The following SPATA6L variants were observed in gnomAD, a reference collection of about 807,000 sequenced individuals.
SPATA6L encodes spermatogenesis associated 6-like protein.
Under a neutral mutation model 49.2 loss-of-function variants are expected in SPATA6L, and 68 were observed. The observed-to-expected ratio is 1.38, with a 90% CI of 1.14 to 1.69. The LOEUF (loss-of-function observed/expected upper bound fraction) is 1.69, where lower values mean the gene tolerates loss of function less well. Among genes scored for constraint, SPATA6L ranks in the 40% most tolerant of loss-of-function variants. SPATA6L has a pLI of 0.00. For missense variants in SPATA6L, 668 were observed against 464.3 expected, an observed-to-expected ratio of 1.44 and a Z score of -4.03; for synonymous variants, 198 against 165.7, an observed-to-expected ratio of 1.19 and a Z score of -1.50.
chr9:4,603,825 T>G (rs1475287109), intron 11 of SPATA6L, among the ~76,000 whole-genome samples: 2 of 151,982 alleles, frequency 1.3e-5, no homozygotes, highest in Non-Finnish European at 2.9e-5. Flanking sequence ...ATAGAAGTTA[T>G]CCAGGCAGAG....
chr9:4,607,457 C>T (rs919667402), intron 9 of SPATA6L, among the ~76,000 whole-genome samples: 1 of 152,090 alleles, frequency 6.6e-6, no homozygotes, highest in Non-Finnish European at 1.5e-5. Flanking sequence ...TGGCAGAAAC[C>T]CTACAAGCCA....
At chr9:4,628,632 A>T (rs1830806283) in intron 5 of SPATA6L, 1 of 155,662 alleles carries the variant, frequency 6.4e-6, no homozygotes, top group Non-Finnish European at 1.4e-5. Context: ...TTTTTGGTAG[A>T]GGTGGGGTTT....
Position 4,662,276 on chromosome 9 carries a change from C to G in SPATA6L, c.40-240G>C, listed in dbSNP as rs886502965. ...ATCGCGCTCTCGCCGGCTCCTCTCCCCGCCCCTCCGGGATGGTAGTGCGGA... is the reference window on the plus strand; with the variant it reads ...ATCGCGCTCTCGCCGGCTCCTCTCCGCGCCCCTCCGGGATGGTAGTGCGGA... On this transcript the variant is annotated intron_variant, in intron 1 of 11. Transcript: ENST00000682582. This position sits in a 1 kb window ranked among gnomAD's most constrained non-coding sequence, Gnocchi z 4.9. 7.0e-7 allele frequency: 1 copy of G among 1,434,782 alleles called. No individual in the cohort carries two copies. The highest frequency in any genetic ancestry group is 9.1e-7 in the Non-Finnish European group (1 of 1,099,964). The allele number at this position is 1,434,782 out of a possible 1,614,324, so 88.9% of individuals were successfully genotyped here. A position where few individuals can be genotyped will look rare whatever the true frequency, so the allele number is the denominator to read the frequency against.
At chr9:4,601,711 A>C (rs893207649) in intron 11 of SPATA6L, among the ~76,000 whole-genome samples, 2 of 152,158 alleles carry the variant, frequency 1.3e-5, no homozygotes, top group Non-Finnish European at 2.9e-5. Context: ...CTGCCATTAG[A>C]AGAGAGTCCT....
chr9:4,637,331 A>T (rs1833006360), intron 3 of SPATA6L, among the ~76,000 whole-genome samples: 2 of 152,188 alleles, frequency 1.3e-5, no homozygotes, highest in South Asian at 4.1e-4. Flanking sequence ...TCTTATCAGA[A>T]GGTGGCAACC....
At chr9:4,615,786 A>T (rs367677518) in intron 9 of SPATA6L, among the ~76,000 whole-genome samples, 4 of 152,320 alleles carry the variant, frequency 2.6e-5, no homozygotes, top group East Asian at 3.9e-4. Context: ...ACAGTTGCCC[A>T]ATAACAGCAT....
At chr9:4,606,139 G>C (rs1175411773) in intron 9 of SPATA6L, among the ~76,000 whole-genome samples, 3 of 151,948 alleles carry the variant, frequency 2.0e-5, no homozygotes, top group Non-Finnish European at 4.4e-5. Flanking sequence ...ACCTGGCTCG[G>C]AGGGTCCTAC....
chr9:4,606,736 C>T lies in SPATA6L; in HGVS notation c.996-1296G>A, dbSNP rs1235999640. On this transcript the variant is annotated intron_variant, in intron 9 of 11. Coordinates refer to ENST00000682582, the MANE Select transcript of SPATA6L (RefSeq NM_001353486.2). ...ACTGGAAACTCTAAAAAGCAGAGCGCCTCTCCTCCTCCAAAGGAATGCAGT... is the reference window on the plus strand; with the variant it reads ...ACTGGAAACTCTAAAAAGCAGAGCGTCTCTCCTCCTCCAAAGGAATGCAGT... Among the ~76,000 whole-genome samples the T allele has an allele frequency of 1.9e-3, 279 of 145,974 alleles. 1 individual carries two copies. Among genetic ancestry groups the T allele is most frequent in the African/African-American group, 6.9e-3 (264 of 38,374 alleles).
intron 9 of SPATA6L, among the ~76,000 whole-genome samples, chr9:4,611,528 C>A (rs1235812853): frequency 1.3e-5 from 2 of 149,038 alleles, no homozygotes; most frequent in Non-Finnish European, 2.9e-5. Flanking sequence ...AATCACCATT[C>A]TCAGTAAACT....
In SPATA6L at chr9:4,605,404, G is replaced by C. The variant is rs779674745; in HGVS notation, c.1032C>G (p.Ile344Met). The change falls in exon 10 of 12, where the codon ATC becomes ATG. Residue 344 changes from isoleucine to methionine, a missense_variant. Ile to Met is a conservative substitution (Grantham distance 10). Transcript: ENST00000682582. ...TCAGAAGACTGCATACCCTCTCATG[G>C]ATATTCTTCCATGTGGACTGAGAAC... ...HPGSQSTWKN[I>M]HERVCSLLTS... is the part of the protein sequence containing the mutation. 6.2e-7 allele frequency: 1 copy of C among 1,614,142 alleles called. No individual in the cohort carries two copies. The highest frequency in any genetic ancestry group is 1.1e-5 in the South Asian group (1 of 91,084).
chr9:4,597,942 G>C (rs758526925), downstream of SPATA6L, among the ~76,000 whole-genome samples: 1 of 152,244 alleles, frequency 6.6e-6, no homozygotes, highest in Non-Finnish European at 1.5e-5. Context: ...TATACTGAGA[G>C]TAGCCTGGCA....
chr9:4,652,687 C>G (rs1314568961), intron 3 of SPATA6L, among the ~76,000 whole-genome samples: 3 of 148,800 alleles, frequency 2.0e-5, no homozygotes, highest in African/African-American at 7.4e-5. Context: ...ACTAAAAATA[C>G]AAAATTAGCC....
intron 4 of SPATA6L, among the ~76,000 whole-genome samples, chr9:4,632,441 CAA>C (rs1831811579): frequency 6.6e-6 from 1 of 151,668 alleles, no homozygotes; most frequent in Non-Finnish European, 1.5e-5. Flanking sequence ...ACTAAAAATA[CAA>C]AAGTCAGCCA....
At position 4,617,906 on chromosome 9, in the gene SPATA6L, G is replaced by C. The variant is rs1452306130; in HGVS notation, c.995+17C>G. 25 of 1,576,658 alleles carry C rather than the reference G, an allele frequency of 1.6e-5. No individual in the cohort carries two copies. The highest frequency in any genetic ancestry group is 2.2e-5 in the Non-Finnish European group (25 of 1,157,382). On this transcript the variant is annotated intron_variant, in intron 9 of 11. Coordinates refer to ENST00000682582, the MANE Select transcript of SPATA6L (RefSeq NM_001353486.2). ...CAATGCACTCGTCAGGCAAACAGAT[G>C]GGTGCTTGCCACTGACCTTTCTCTG...
In SPATA6L at chr9:4,666,343, C is replaced by G. The variant is rs1374328203; in HGVS notation, c.-93G>C. 11 of 1,343,430 alleles carry G rather than the reference C, an allele frequency of 8.2e-6. No individual in the cohort carries two copies. Among genetic ancestry groups the G allele is most frequent in the Non-Finnish European group, 1.2e-5 (11 of 942,896 alleles). 83.2% of individuals were successfully genotyped at this position (1,343,430 alleles called of 1,614,324 possible). A position where few individuals can be genotyped will look rare whatever the true frequency, so the allele number is the denominator to read the frequency against. Reference sequence around the variant, plus strand: ...TCTTAGTTTAGCTGAATACCTAGAGCAAATGTTCCCAGAAGCTTCCCCAGT... The same window carrying G: ...TCTTAGTTTAGCTGAATACCTAGAGGAAATGTTCCCAGAAGCTTCCCCAGT... On this transcript the variant is annotated 5_prime_UTR_variant, in exon 1 of 12. Transcript: ENST00000682582.
At chr9:4,605,518 G>T (rs1001644734) in intron 9 of SPATA6L, 78 bp from the exon 10 acceptor site, 12 of 936,476 alleles carry the variant, frequency 1.3e-5, no homozygotes, top group Non-Finnish European at 2.0e-5. Flanking sequence ...GGTATGGATT[G>T]ATATTTAAAA....
intron 4 of SPATA6L, among the ~76,000 whole-genome samples, chr9:4,633,936 A>G (rs1361982560): frequency 6.6e-6 from 1 of 152,232 alleles, no homozygotes; most frequent in East Asian, 1.9e-4. Flanking sequence ...AGAATACTTT[A>G]CCTCTAATGC....
In SPATA6L at chr9:4,662,791, T is replaced by A. The variant is rs1324659056; in HGVS notation, c.40-755A>T. The A allele has an allele frequency of 3.1e-6, 5 of 1,605,176 alleles. No individual in the cohort carries two copies. The Middle Eastern group carries it at 6.6e-4, about 212-fold the overall frequency. On this transcript the variant is annotated intron_variant, in intron 1 of 11. Coordinates refer to ENST00000682582, the MANE Select transcript of SPATA6L (RefSeq NM_001353486.2). The surrounding 1 kb of genome is among the most constrained non-coding windows in gnomAD (Gnocchi z 4.9). Reference sequence around the variant, plus strand: ...CGACCCCTTATGAAGCTGCTGGAGATCTCGGGACACGGCATCCCCTGGCTG... The same window carrying A: ...CGACCCCTTATGAAGCTGCTGGAGAACTCGGGACACGGCATCCCCTGGCTG...
At position 4,659,217 on chromosome 9, in the gene SPATA6L, C is replaced by A. The variant is rs1175714599; in HGVS notation, c.177+2682G>T. Among the ~76,000 whole-genome samples, 5 of 152,186 alleles carry A rather than the reference C, an allele frequency of 3.3e-5. No individual in the cohort carries two copies. The East Asian group carries it at 7.7e-4, about 23-fold the overall frequency. ...TGATTTATAAAAATGTTACATACAA[C>A]CTTAGCCCTTCAGAAAATTGATCTT... On this transcript the variant is annotated intron_variant, in intron 2 of 11. Transcript: ENST00000682582.
Sources: allele counts gnomAD v4.1 joint callset (sites outside exome capture counted in the v4.1 genomes callset), GRCh38; gene constraint gnomAD v4.1.1; non-coding constraint Gnocchi (gnomAD v3.1); transcripts MANE v1.5; gene names NCBI Gene and HGNC (gene_info 2026-07-23, HGNC 2026-07-21).